DLGAP1: variants seen among roughly 807,000 people sequenced by gnomAD.
The protein encoded by DLGAP1 is DLG associated protein 1.
Under a neutral mutation model 90.8 loss-of-function variants are expected in DLGAP1, and 11 were observed. That is an observed-to-expected ratio of 0.12 (90% CI 0.08 to 0.20). The LOEUF is 0.20. Among genes scored for constraint, DLGAP1 ranks in the 10% least tolerant of loss-of-function variants. The probability of loss-of-function intolerance (pLI) is 1.00; values close to 1 mark genes in which losing one functional copy is unlikely to be tolerated. For missense variants in DLGAP1, 1,050 were observed against 1,333.8 expected (o/e 0.79, Z 3.31); for synonymous variants, 558 against 540.7 (o/e 1.03, Z -0.44).
At chr18:3,521,175 G>A (rs1182414047) in intron 10 of DLGAP1, among the ~76,000 whole-genome samples, 2 of 152,126 alleles carry the variant, frequency 1.3e-5, no homozygotes, top group African/African-American at 4.8e-5. Flanking sequence ...CCAAATCTGT[G>A]TTCCCCTCAG....
rs1364542387 is a variant in DLGAP1, at chr18:4,383,977, A to C, written c.-267+71029T>G. 2.6e-5 allele frequency among the ~76,000 whole-genome samples: 4 copies of C among 152,314 alleles called. No homozygotes were observed. Among genetic ancestry groups the C allele is most frequent in the Admixed American group, 2.6e-4 (4 of 15,296 alleles). On this transcript the variant is annotated intron_variant, in intron 1 of 12. Transcript: ENST00000315677. The surrounding 1 kb of genome is among the most constrained non-coding windows in gnomAD (Gnocchi z 4.0). ...TCTGCTAATAAGATGTACAAAAGTC[A>C]AAACAGCTTCCATACACTATGGTAA...
chr18:3,724,756 A>G (rs1307347982), intron 7 of DLGAP1, among the ~76,000 whole-genome samples: 1 of 152,046 alleles, frequency 6.6e-6, no homozygotes, highest in African/African-American at 2.4e-5. Flanking sequence ...AAAAAAAATT[A>G]GCCAGGCGTG....
At chr18:4,136,176 G>T (rs1439861705) in intron 2 of DLGAP1, among the ~76,000 whole-genome samples, 8 of 152,006 alleles carry the variant, frequency 5.3e-5, no homozygotes, top group African/African-American at 1.7e-4. Flanking sequence ...TCCAAATCTT[G>T]GTTATTGTGA....
At chr18:3,887,828 G>T (rs1263926782) in intron 3 of DLGAP1, among the ~76,000 whole-genome samples, 2 of 151,994 alleles carry the variant, frequency 1.3e-5, no homozygotes, top group Non-Finnish European at 2.9e-5. Flanking sequence ...ACAGAAAACG[G>T]CCGGGGGCAG....
At chr18:3,804,635 C>T (rs535916215) in intron 5 of DLGAP1, among the ~76,000 whole-genome samples, 7 of 152,262 alleles carry the variant, frequency 4.6e-5, no homozygotes, top group East Asian at 3.9e-4. Flanking sequence ...AGAACACAGA[C>T]GCAGTGAAAG....
Position 3,975,406 on chromosome 18 carries a change from G to A in DLGAP1, c.-73+29710C>T, listed in dbSNP as rs143748196. The stretch of plus-strand genomic sequence containing the variant: ...CAAATCAAAACCACAGTGAGATACC[G>A]CTTCACACCTGTTAGGATGGTTATT... On this transcript the variant is annotated intron_variant, in intron 3 of 12. Coordinates refer to ENST00000315677, the MANE Select transcript of DLGAP1 (RefSeq NM_004746.4). Among the ~76,000 whole-genome samples the A allele has an allele frequency of 3.8e-3, 583 of 152,138 alleles. 3 individuals are homozygous for A. Among genetic ancestry groups the A allele is most frequent in the African/African-American group, 0.013 (556 of 41,494 alleles).
intron 8 of DLGAP1, among the ~76,000 whole-genome samples, chr18:3,567,989 C>T (rs1404312507): frequency 2.6e-5 from 4 of 151,972 alleles, no homozygotes; most frequent in African/African-American, 9.7e-5. Context: ...ACCTCCGCCT[C>T]CCGGGTTCAA....
chr18:3,554,173 T>C (rs2053625221), intron 9 of DLGAP1, among the ~76,000 whole-genome samples: 1 of 152,118 alleles, frequency 6.6e-6, no homozygotes, highest in African/African-American at 2.4e-5. Flanking sequence ...TACAAATTCC[T>C]GGGGACCATC....
chr18:3,504,887 C>T (rs138374244), intron 11 of DLGAP1, among the ~76,000 whole-genome samples: 1 of 152,278 alleles, frequency 6.6e-6, no homozygotes, highest in Non-Finnish European at 1.5e-5. Flanking sequence ...GACATGCTGC[C>T]TTGGAGACCA....
intron 1 of DLGAP1, among the ~76,000 whole-genome samples, chr18:4,426,833 G>A (rs973130426): frequency 2.0e-5 from 3 of 152,086 alleles, no homozygotes; most frequent in African/African-American, 7.2e-5. Flanking sequence ...AATGAGATTG[G>A]GTCCCTTCAA....
chr18:4,265,557 CCTT>C lies in DLGAP1; in HGVS notation c.-266-114273_-266-114271del, dbSNP rs2079099110. Among the ~76,000 whole-genome samples the C allele has an allele frequency of 2.1e-5, 3 of 143,574 alleles. No homozygotes were observed. In the South Asian group the frequency reaches 6.7e-4, roughly 32 times the overall value. 94.2% of individuals were successfully genotyped at this position (143,574 alleles called of 152,430 possible). A position where few individuals can be genotyped will look rare whatever the true frequency, so the allele number is the denominator to read the frequency against. ...CTTCCTTCCCTCCCCTTCCTTCCTT[CCTT>C]CCTTTCCTTTCCTTTTTCTTTGTTT... On this transcript the variant is annotated intron_variant, in intron 1 of 12. Transcript: ENST00000315677.
rs548050867 is a variant in DLGAP1 at position 4,383,621 on chromosome 18, G to T, written c.-267+71385C>A. Reference sequence around the variant, plus strand: ...AGGGATGTTTACCTATGAGAATCAAGTAGAACTGCTTTCTGACTATGCTAT... The same window carrying T: ...AGGGATGTTTACCTATGAGAATCAATTAGAACTGCTTTCTGACTATGCTAT... On this transcript the variant is annotated intron_variant, in intron 1 of 12. Coordinates refer to ENST00000315677, the MANE Select transcript of DLGAP1 (RefSeq NM_004746.4). This position sits in a 1 kb window ranked among gnomAD's most constrained non-coding sequence, Gnocchi z 4.0. 4.5e-4 allele frequency among the ~76,000 whole-genome samples: 68 copies of T among 152,084 alleles called. 1 individual carries two copies. The highest frequency in any genetic ancestry group is 1.2e-3 in the South Asian group (6 of 4,812).
At chr18:4,237,773 A>C (rs560912489) in intron 1 of DLGAP1, among the ~76,000 whole-genome samples, 2 of 152,306 alleles carry the variant, frequency 1.3e-5, no homozygotes, top group African/African-American at 4.8e-5. Context: ...GACAGCGGGA[A>C]TTATTGAACT....
intron 7 of DLGAP1, chr18:3,598,458 T>TC (rs2056713901): frequency 7.2e-6 from 1 of 139,420 alleles, no homozygotes; most frequent in South Asian, 2.3e-4. Flanking sequence ...TCTTTCCCCC[T>TC]CCATTACTTT....
intron 2 of DLGAP1, among the ~76,000 whole-genome samples, chr18:4,115,494 C>CTTTCTTTCTTTCTTTCTTTT (rs554720987): frequency 3.4e-5 from 5 of 146,602 alleles, no homozygotes; most frequent in African/African-American, 1.4e-4. Flanking sequence ...TTCTTTCTTT[C>CTTTCTTTCTTTCTTTCTTTT]TTTTTTTTTG....
At chr18:4,282,586 A>G (rs535357794) in intron 1 of DLGAP1, among the ~76,000 whole-genome samples, 2 of 152,232 alleles carry the variant, frequency 1.3e-5, no homozygotes, top group African/African-American at 2.4e-5. Context: ...ATGTATGTTT[A>G]GCACTGACAA....
chr18:4,082,800 T>A (rs1159760081), intron 2 of DLGAP1, among the ~76,000 whole-genome samples: 1 of 152,070 alleles, frequency 6.6e-6, no homozygotes, highest in Non-Finnish European at 1.5e-5. Flanking sequence ...AGATTCCAGT[T>A]GAGGTCTGTC....
intron 6 of DLGAP1, among the ~76,000 whole-genome samples, chr18:3,737,573 A>G (rs2147580145): frequency 6.6e-6 from 1 of 151,590 alleles, no homozygotes; most frequent in Admixed American, 6.6e-5. Flanking sequence ...AAATTCAACA[A>G]GCCTTCATGC....
intron 1 of DLGAP1, among the ~76,000 whole-genome samples, chr18:4,376,139 T>C (rs2082009795): frequency 6.6e-6 from 1 of 152,152 alleles, no homozygotes; most frequent in Non-Finnish European, 1.5e-5. Context: ...TGAACTTAAA[T>C]AATGCTTGGC....
Sources: gnomAD v4.1 joint callset for allele counts (sites outside exome capture counted in the v4.1 genomes callset) on GRCh38, gnomAD v4.1.1 for gene constraint, Gnocchi (gnomAD v3.1) non-coding constraint, MANE v1.5 for transcripts, NCBI Gene and HGNC (gene_info 2026-07-23, HGNC 2026-07-21) for gene names.